The following TAF12 variants were observed in gnomAD, a reference collection of about 807,000 sequenced individuals.
TAF12 encodes the protein transcription initiation factor TFIID subunit 12.
In TAF12, 3 loss-of-function variants were observed where a neutral mutation model predicts 20.8. The observed-to-expected ratio is 0.14, with a 90% CI of 0.07 to 0.37. The LOEUF (loss-of-function observed/expected upper bound fraction) is 0.37. Among genes scored for constraint, TAF12 ranks in the 10% least tolerant of loss-of-function variants. The pLI, the probability that TAF12 is intolerant of heterozygous loss-of-function variation, is 1.00. For missense variants in TAF12, 131 were observed against 197.9 expected (o/e 0.66, Z 2.03); for synonymous variants, 69 against 70.2 (o/e 0.98, Z 0.09).
chr1:28,603,483 T>C lies in TAF12; in HGVS notation c.*56A>G. On this transcript the variant is annotated 3_prime_UTR_variant, in exon 6 of 6. Coordinates refer to ENST00000373824, the MANE Select transcript of TAF12 (RefSeq NM_005644.4). Reference sequence around the variant, plus strand: ...AAATCCAAGGATGAGATGGCTGAGTTCTCAGCTCAAGTATCTCCAAATACA... The same window carrying C: ...AAATCCAAGGATGAGATGGCTGAGTCCTCAGCTCAAGTATCTCCAAATACA... 6.3e-7 allele frequency: 1 copy of C among 1,591,890 alleles called. No homozygotes were observed. The highest frequency in any genetic ancestry group is 1.1e-5 in the South Asian group (1 of 89,950).
intron 1 of TAF12, among the ~76,000 whole-genome samples, chr1:28,628,726 C>G (rs1204607002): frequency 6.6e-6 from 1 of 151,616 alleles, no homozygotes; most frequent in Non-Finnish European, 1.5e-5. Context: ...AGAAATTGTT[C>G]AATGAATGAA....
chr1:28,605,532 T>C (rs1020477997), intron 4 of TAF12, 72 bp from the exon 5 acceptor site: 70 of 1,452,726 alleles, frequency 4.8e-5, no homozygotes, highest in Non-Finnish European at 6.2e-5. Context: ...GTGACCCCCT[T>C]GGATCAGGGA....
chr1:28,619,424 G>A (rs951906552), intron 2 of TAF12, among the ~76,000 whole-genome samples: 3 of 149,140 alleles, frequency 2.0e-5, no homozygotes, highest in African/African-American at 7.4e-5. Flanking sequence ...CGTGAACCCG[G>A]GAGGCAGAGC....
At position 28,643,015 on chromosome 1, in the gene TAF12, T is replaced by A. The variant is rs970534309; in HGVS notation, c.-108A>T. On this transcript the variant is annotated 5_prime_UTR_variant, in exon 1 of 6. It removes an upstream start codon present in the reference 5' UTR. Coordinates refer to ENST00000373824, the MANE Select transcript of TAF12 (RefSeq NM_005644.4). Reference sequence around the variant, plus strand: ...ACAGGCAGCAGCGTCTATCTCCCCATGATATGCAGAGACTGCCCCAGTGAA... The same window carrying A: ...ACAGGCAGCAGCGTCTATCTCCCCAAGATATGCAGAGACTGCCCCAGTGAA... 2.4e-5 allele frequency: 24 copies of A among 985,796 alleles called. No individual in the cohort carries two copies. Among genetic ancestry groups the A allele is most frequent in the East Asian group, 1.1e-4 (1 of 8,820 alleles). 61.1% of individuals were successfully genotyped at this position (985,796 alleles called of 1,614,324 possible). A position where few individuals can be genotyped will look rare whatever the true frequency, so the allele number is the denominator to read the frequency against.
At chr1:28,625,986 CTT>C (rs1234091351) in intron 1 of TAF12, among the ~76,000 whole-genome samples, 13 of 142,482 alleles carry the variant, frequency 9.1e-5, no homozygotes, top group Middle Eastern at 3.7e-3. Flanking sequence ...AGCCCCGTCT[CTT>C]TTTTTTTTTT....
At chr1:28,645,314 C>A (rs1168712927), upstream of TAF12, among the ~76,000 whole-genome samples, 2 of 150,450 alleles carry the variant, frequency 1.3e-5, no homozygotes, top group Non-Finnish European at 3.0e-5. Context: ...GGATTACAGG[C>A]AGGAGCCACT....
intron 2 of TAF12, among the ~76,000 whole-genome samples, chr1:28,619,794 T>C (rs1379733417): frequency 2.0e-5 from 3 of 149,406 alleles, no homozygotes; most frequent in African/African-American, 7.4e-5. Flanking sequence ...CTACTGAAAA[T>C]ACAAAAATTA....
At chr1:28,638,787 A>ATTTTTTT in intron 1 of TAF12, among the ~76,000 whole-genome samples, 1 of 101,844 alleles carries the variant, frequency 9.8e-6, no homozygotes. Context: ...CACCTGGCCT[A>ATTTTTTT]TTTTTTTTTT....
chr1:28,621,525 A>G (rs1024941337), intron 2 of TAF12, among the ~76,000 whole-genome samples: 4 of 152,206 alleles, frequency 2.6e-5, no homozygotes, highest in Non-Finnish European at 4.4e-5. Flanking sequence ...TATCAAAATG[A>G]AAGGAAAAAA....
intron 1 of TAF12, among the ~76,000 whole-genome samples, chr1:28,635,391 C>T (rs1444685371): frequency 6.8e-6 from 1 of 147,234 alleles, no homozygotes; most frequent in Non-Finnish European, 1.5e-5. Flanking sequence ...CTGCCAGCTC[C>T]ACCTCCTGGG....
chr1:28,615,678 CAAAAAAAAAAAAAAAAAAAAAAA>C (rs57536422), intron 3 of TAF12, among the ~76,000 whole-genome samples: 3 of 34,486 alleles, frequency 8.7e-5, no homozygotes, highest in African/African-American at 1.3e-4. Flanking sequence ...GACTCCGTCT[CAAAAAAAAAAAAAAAAAAAAAAA>C]AAAAAAAAAA....
intron 1 of TAF12, among the ~76,000 whole-genome samples, chr1:28,642,214 C>A (rs1432466716): frequency 6.6e-6 from 1 of 152,128 alleles, no homozygotes; most frequent in Non-Finnish European, 1.5e-5. Flanking sequence ...GTATCTGACA[C>A]AAGAAAAGCT....
At chr1:28,609,899 C>A (rs1030182969) in intron 4 of TAF12, among the ~76,000 whole-genome samples, 6 of 152,166 alleles carry the variant, frequency 3.9e-5, no homozygotes, top group African/African-American at 1.4e-4. Flanking sequence ...ACTCCCTGTA[C>A]CCCCTTCCCC....
upstream of TAF12, among the ~76,000 whole-genome samples, chr1:28,645,922 C>T (rs1451607706): frequency 2.0e-5 from 3 of 150,562 alleles, no homozygotes; most frequent in South Asian, 2.1e-4. Context: ...GAGCCGAGAT[C>T]GTGCCACTGC....
intron 1 of TAF12, among the ~76,000 whole-genome samples, chr1:28,627,856 G>A (rs1390861775): frequency 3.3e-5 from 5 of 151,764 alleles, no homozygotes; most frequent in East Asian, 1.9e-4. Context: ...AAAACTAAAC[G>A]AAACAAAAGC....
At chr1:28,641,475 AAAAAC>A (rs928784338) in intron 1 of TAF12, among the ~76,000 whole-genome samples, 5 of 151,988 alleles carry the variant, frequency 3.3e-5, no homozygotes, top group Admixed American at 1.3e-4. Context: ...TCTGTCTCAA[AAAAAC>A]AAAACAAAAC....
intron 4 of TAF12, among the ~76,000 whole-genome samples, chr1:28,606,890 T>C (rs934778293): frequency 6.6e-6 from 1 of 152,204 alleles, no homozygotes; most frequent in Non-Finnish European, 1.5e-5. Flanking sequence ...GACAGGGTGG[T>C]TGGGGCATTC....
intron 1 of TAF12, among the ~76,000 whole-genome samples, chr1:28,637,958 C>T (rs548805902): frequency 6.6e-6 from 1 of 152,094 alleles, no homozygotes; most frequent in Non-Finnish European, 1.5e-5. Context: ...TAAGACCAGC[C>T]TGGGTAATGC....
intron 2 of TAF12, among the ~76,000 whole-genome samples, chr1:28,619,845 G>A (rs115123664): frequency 3.3e-3 from 502 of 151,538 alleles, no homozygotes; most frequent in Non-Finnish European, 6.4e-3. Flanking sequence ...AACTATTAGG[G>A]AGGCTGAGGC....
Sources: gnomAD v4.1 joint callset for allele counts (sites outside exome capture counted in the v4.1 genomes callset) on GRCh38, gnomAD v4.1.1 for gene constraint, MANE v1.5 for transcripts, NCBI Gene and HGNC (gene_info 2026-07-23, HGNC 2026-07-21) for gene names.